Variants in CSF1R observed in about 807,000 individuals in gnomAD.
CSF1R encodes macrophage colony-stimulating factor 1 receptor.
A neutral mutation model predicts 110.0 loss-of-function variants in CSF1R; 40 were observed. That is an observed-to-expected ratio of 0.36 (90% CI 0.28 to 0.47). The LOEUF (loss-of-function observed/expected upper bound fraction) is 0.47. CSF1R is among the 20% of genes least tolerant of loss of function. The pLI, the probability that CSF1R is intolerant of heterozygous loss-of-function variation, is 0.99. For synonymous variants in CSF1R, 523 were observed against 503.4 expected (o/e 1.04, Z -0.52); for missense variants, 1,052 against 1,253.0 (o/e 0.84, Z 2.42).
chr5:150,072,761 G>A (rs1215612045), intron 6 of CSF1R, among the ~76,000 whole-genome samples: 1 of 152,172 alleles, frequency 6.6e-6, no homozygotes, highest in Non-Finnish European at 1.5e-5. Flanking sequence ...TGCACTTCAT[G>A]GGAAGAGTTT....
intron 1 of CSF1R, among the ~76,000 whole-genome samples, chr5:150,093,866 C>G (rs1288053625): frequency 6.6e-6 from 1 of 152,206 alleles, no homozygotes; most frequent in Non-Finnish European, 1.5e-5. Flanking sequence ...GAGTTCGAGA[C>G]TAGCCTGACC....
chr5:150,056,811 A>T (rs756021763), intron 16 of CSF1R, among the ~76,000 whole-genome samples: 1 of 152,212 alleles, frequency 6.6e-6, no homozygotes, highest in Non-Finnish European at 1.5e-5. Flanking sequence ...GCTTAAAGTC[A>T]CGGAGCAGGT....
intron 1 of CSF1R, among the ~76,000 whole-genome samples, chr5:150,101,838 G>C (rs574980167): frequency 6.6e-6 from 1 of 152,078 alleles, no homozygotes; most frequent in African/African-American, 2.4e-5. Context: ...CCTGGGCACA[G>C]ACGAGCTCAT....
At chr5:150,067,446 C>T (rs943831119) in intron 10 of CSF1R, among the ~76,000 whole-genome samples, 3 of 152,204 alleles carry the variant, frequency 2.0e-5, no homozygotes, top group African/African-American at 4.8e-5. Flanking sequence ...GTAAAACAGA[C>T]TAATGCTAGC....
At chr5:150,084,137 GACC>G (rs1257671057) in intron 1 of CSF1R, among the ~76,000 whole-genome samples, 1 of 151,882 alleles carries the variant, frequency 6.6e-6, no homozygotes, top group Non-Finnish European at 1.5e-5. Flanking sequence ...AGGAGTTCGA[GACC>G]AGCATGGCCA....
intron 1 of CSF1R, among the ~76,000 whole-genome samples, chr5:150,104,656 C>G (rs1319842279): frequency 6.6e-6 from 1 of 152,176 alleles, no homozygotes; most frequent in African/African-American, 2.4e-5. Context: ...AACCAAGGCT[C>G]AGAGAAGTTA....
At chr5:150,072,427 G>A (rs1422175278) in intron 6 of CSF1R, among the ~76,000 whole-genome samples, 2 of 152,110 alleles carry the variant, frequency 1.3e-5, no homozygotes, top group Non-Finnish European at 2.9e-5. Flanking sequence ...CCGGGAGGCC[G>A]AGTTTGCAGT....
intron 1 of CSF1R, among the ~76,000 whole-genome samples, chr5:150,100,865 T>C (rs1216272704): frequency 6.6e-6 from 1 of 152,114 alleles, no homozygotes; most frequent in Non-Finnish European, 1.5e-5. Flanking sequence ...TATATAATAG[T>C]ATAATATAAA....
intron 1 of CSF1R, among the ~76,000 whole-genome samples, chr5:150,098,065 A>G (rs980591159): frequency 6.6e-6 from 1 of 152,268 alleles, no homozygotes; most frequent in Non-Finnish European, 1.5e-5. Context: ...AACAGAATAG[A>G]GTCCAGAAAT....
At chr5:150,065,337 T>G (rs939280949) in intron 10 of CSF1R, among the ~76,000 whole-genome samples, 5 of 152,162 alleles carry the variant, frequency 3.3e-5, no homozygotes, top group African/African-American at 1.2e-4. Flanking sequence ...AGAATCGTAG[T>G]CTTTCCAGCA....
chr5:150,085,996 A>AT lies in CSF1R; in HGVS notation c.49+382dup, dbSNP rs543582292. On this transcript the variant is annotated intron_variant, in intron 1 of 20. Coordinates refer to ENST00000675795, the MANE Select transcript of CSF1R (RefSeq NM_001288705.3). ...GAGTCTGAATCTGCATTGTAACAAAATCCTCAGGTAACTTGTATGCACAGG... is the reference window on the plus strand; with the variant it reads ...GAGTCTGAATCTGCATTGTAACAAAATTCCTCAGGTAACTTGTATGCACAGG... Among the ~76,000 whole-genome samples the AT allele has an allele frequency of 7.6e-4, 116 of 152,302 alleles. 1 individual carries two copies. The highest frequency in any genetic ancestry group is 2.6e-3 in the African/African-American group (109 of 41,558).
At chr5:150,106,877 G>A (rs568695889) in intron 1 of CSF1R, among the ~76,000 whole-genome samples, 3 of 152,212 alleles carry the variant, frequency 2.0e-5, no homozygotes, top group South Asian at 2.1e-4. Context: ...ATAGTCTCTC[G>A]TGGCTCCCTG....
At position 150,077,417 on chromosome 5, in the gene CSF1R, A is replaced by G. The variant is rs1581317644; in HGVS notation, c.748T>C (p.Ser250Pro). ...TGGTAACGGTTATTATGAAAGTCAG[A>G]TTGTTGAGGGATTGCGAGCTGCAGC... ...NNTKLAIPQQ[S>P]DFHNNRYQKV... Residue 250 changes from serine (S) to proline (P), a missense_variant, in exon 5 of 21, where the codon TCT (serine) becomes CCT (proline). Physicochemically the swap from Ser to Pro is moderately conservative, Grantham distance 74. Coordinates refer to ENST00000675795, the MANE Select transcript of CSF1R (RefSeq NM_001288705.3). 2 of 1,612,730 alleles carry G rather than the reference A, an allele frequency of 1.2e-6. No individual in the cohort carries two copies. The highest frequency in any genetic ancestry group is 2.7e-5 in the African/African-American group (2 of 75,038).
At chr5:150,098,122 G>A (rs1759283095) in intron 1 of CSF1R, among the ~76,000 whole-genome samples, 1 of 152,118 alleles carries the variant, frequency 6.6e-6, no homozygotes, top group South Asian at 2.1e-4. Context: ...AGTTGCAAAA[G>A]TAATTAAATG....
At chr5:150,068,379 C>G in intron 9 of CSF1R, 49 bp from the exon 10 acceptor site, 2 of 1,404,462 alleles carry the variant, frequency 1.4e-6, no homozygotes, top group Non-Finnish European at 2.0e-6. Context: ...GCCTCCGAGC[C>G]CCCTGAGGTC....
chr5:150,085,607 GTC>G (rs1040056539), intron 1 of CSF1R, among the ~76,000 whole-genome samples: 1 of 152,086 alleles, frequency 6.6e-6, no homozygotes, highest in Non-Finnish European at 1.5e-5. Context: ...GGCAGCCTGT[GTC>G]TGGGAGGGCT....
chr5:150,076,029 G>C (rs564356477), intron 5 of CSF1R, among the ~76,000 whole-genome samples: 1 of 152,084 alleles, frequency 6.6e-6, no homozygotes, highest in South Asian at 2.1e-4. Context: ...ATGTCTCAGA[G>C]CCTGCTCCCA....
intron 10 of CSF1R, among the ~76,000 whole-genome samples, chr5:150,062,108 A>C (rs1039218233): frequency 1.3e-5 from 2 of 152,144 alleles, no homozygotes; most frequent in Non-Finnish European, 2.9e-5. Flanking sequence ...ACCTTGGACA[A>C]GACAACCTCT....
intron 1 of CSF1R, among the ~76,000 whole-genome samples, chr5:150,096,071 G>A (rs946900498): frequency 2.0e-5 from 3 of 152,122 alleles, no homozygotes; most frequent in South Asian, 2.1e-4. Flanking sequence ...GGTTTTACTG[G>A]CAAATTCTAC....
Sources: gnomAD v4.1 joint callset for allele counts (sites outside exome capture counted in the v4.1 genomes callset) on GRCh38, gnomAD v4.1.1 for gene constraint, MANE v1.5 for transcripts, NCBI Gene and HGNC (gene_info 2026-07-23, HGNC 2026-07-21) for gene names.